Variants in UBR4 observed in about 807,000 individuals in gnomAD.
UBR4 encodes ubiquitin protein ligase E3 component n-recognin 4.
Under a neutral mutation model 575.6 loss-of-function variants are expected in UBR4, and 124 were observed. That is an observed-to-expected ratio of 0.22 (90% CI 0.19 to 0.25). The LOEUF (loss-of-function observed/expected upper bound fraction) is 0.25. Ranked by LOEUF, UBR4 falls within the 10% of genes least tolerant of loss-of-function variation. The pLI is 1.00. For missense variants in UBR4, 4,818 were observed against 6,478.8 expected, an observed-to-expected ratio of 0.74 and a Z score of 8.80; for synonymous variants, 2,455 against 2,473.7, an observed-to-expected ratio of 0.99 and a Z score of 0.22.
At position 19,193,488 on chromosome 1, in the gene UBR4, G is replaced by C; in HGVS notation, c.1088C>G (p.Thr363Arg). The part of the protein sequence containing the change: ...GSAQQVRTGS[T>R]SSKEDDYESD... ...TTCATAGTCATCTTCTTTGGAGCTCGTGGACCCTGTCCGCACTTGCTGGGC... is the reference window on the plus strand; with the variant it reads ...TTCATAGTCATCTTCTTTGGAGCTCCTGGACCCTGTCCGCACTTGCTGGGC... The change falls in exon 9 of 106, where the codon ACG becomes AGG. Residue 363 changes from threonine to arginine, a missense_variant. Thr to Arg is a moderately conservative substitution (Grantham distance 71). Transcript: ENST00000375254. The C allele has an allele frequency of 1.2e-6, 2 of 1,614,058 alleles. No homozygotes were observed. Among genetic ancestry groups the C allele is most frequent in the South Asian group, 1.1e-5 (1 of 91,078 alleles).
intron 90 of UBR4, 30 bp from the exon 91 acceptor site, chr1:19,097,310 TA>T (rs2078160814): frequency 1.9e-5 from 30 of 1,603,046 alleles, no homozygotes; most frequent in Non-Finnish European, 2.2e-5. Context: ...GAAAGGTACT[TA>T]AAAACAGGCC....
rs780826689 is a variant in UBR4, at chr1:19,145,873, A to G, written c.7865T>C (p.Ile2622Thr). 17 of 1,614,218 alleles carry G rather than the reference A, an allele frequency of 1.1e-5. No individual in the cohort carries two copies. The highest frequency in any genetic ancestry group is 1.4e-5 in the Non-Finnish European group (17 of 1,180,024). Reference sequence around the variant, plus strand: ...CCAGAAGTGGTTCACAAGCTGGGTGATGAAACTACAGCAATCTCCTTCCAA... The same window carrying G: ...CCAGAAGTGGTTCACAAGCTGGGTGGTGAAACTACAGCAATCTCCTTCCAA... ...KQLEGDCCSF[I>T]TQLVNHFWKL... Residue 2622 changes from isoleucine (I) to threonine (T), a missense_variant, in exon 53 of 106, where the codon ATC becomes ACC. By Grantham distance (89) the Ile-to-Thr change is moderately conservative (BLOSUM62 -1). Coordinates refer to ENST00000375254, the MANE Select transcript of UBR4 (RefSeq NM_020765.3).
In UBR4 at chr1:19,150,663, G is replaced by A. The variant is rs769679758; in HGVS notation, c.7344C>T (p.Ile2448=). ...EEFPSASVSN[I]CPSNLNQSNG... ...TGCTCTGGTTCAGATTTGAAGGGCA[G>A]ATGTTGCTGACAGAGGCAGAAGGGA... Residue 2448 remains isoleucine, a synonymous_variant, in exon 49 of 106, where the codon ATC becomes ATT. Coordinates refer to ENST00000375254, the MANE Select transcript of UBR4 (RefSeq NM_020765.3). 1.2e-6 allele frequency: 2 copies of A among 1,614,118 alleles called. No homozygotes were observed. Among genetic ancestry groups the A allele is most frequent in the Admixed American group, 1.7e-5 (1 of 60,026 alleles).
At chr1:19,125,014 GA>G (rs888465812) in intron 64 of UBR4, among the ~76,000 whole-genome samples, 5 of 145,344 alleles carry the variant, frequency 3.4e-5, no homozygotes, top group Admixed American at 2.7e-4. Context: ...AAAAAAATTG[GA>G]AAAAAAAAAG....
At chr1:19,154,884 T>C (rs189779103) in intron 44 of UBR4, 34 bp downstream of exon 44, 23 of 1,613,484 alleles carry the variant, frequency 1.4e-5, no homozygotes, top group East Asian at 2.2e-5. Context: ...AATGTGGACA[T>C]TGCGGAAGTT....
chr1:19,110,899 A>C lies in UBR4; in HGVS notation c.11802-67T>G, dbSNP rs1455330010. ...AGGTGTGACACTCCTTTCCACCTGA[A>C]GGGGCCCAGGGAAAATGAAATCAAT... On this transcript the variant is annotated intron_variant, in intron 78 of 105. Transcript: ENST00000375254. This position sits in a 1 kb window ranked among gnomAD's most constrained non-coding sequence, Gnocchi z 4.5. 2 of 1,471,474 alleles carry C rather than the reference A, an allele frequency of 1.4e-6. No individual in the cohort carries two copies. Among genetic ancestry groups the C allele is most frequent in the African/African-American group, 2.8e-5 (2 of 71,072 alleles). The allele number at this position is 1,471,474 out of a possible 1,614,324, so 91.2% of individuals were successfully genotyped here.
In UBR4 at chr1:19,167,247, T is replaced by G. The variant is rs764648525; in HGVS notation, c.3900-16A>C. The stretch of plus-strand genomic sequence containing the variant: ...ATCTGACCAACTTCAGCAAAGAAAA[T>G]GAAATCGAGTTAGTGAATACACTCC... On this transcript the variant is annotated splice_polypyrimidine_tract_variant and intron_variant, in intron 28 of 105. Coordinates refer to ENST00000375254, the MANE Select transcript of UBR4 (RefSeq NM_020765.3). 4 of 1,613,828 alleles carry G rather than the reference T, an allele frequency of 2.5e-6. No individual in the cohort carries two copies. The South Asian group carries it at 3.3e-5, about 13-fold the overall frequency.
intron 1 of UBR4, among the ~76,000 whole-genome samples, chr1:19,209,416 CAGAT>C (rs759229678): frequency 9.9e-5 from 15 of 152,202 alleles, no homozygotes; most frequent in African/African-American, 3.6e-4. Flanking sequence ...AGGAAACCAA[CAGAT>C]AGTACCGTTT....
intron 51 of UBR4, 108 bp downstream of exon 51, chr1:19,147,885 C>T: frequency 1.4e-6 from 2 of 1,481,426 alleles, no homozygotes; most frequent in Non-Finnish European, 1.8e-6. Flanking sequence ...AATCTGAATG[C>T]TATCCTCCCT....
chr1:19,105,818 C>T lies in UBR4; in HGVS notation c.12418G>A (p.Ala4140Thr). 1 of 1,606,062 alleles carries T rather than the reference C, an allele frequency of 6.2e-7. No individual in the cohort carries two copies. Among genetic ancestry groups the T allele is most frequent in the Non-Finnish European group, 8.5e-7 (1 of 1,177,544 alleles). Residue 4140 changes from alanine (A) to threonine (T), a missense_variant, in exon 84 of 106, where the codon GCC becomes ACC. Physicochemically the swap from Ala to Thr is moderately conservative, Grantham distance 58. Transcript: ENST00000375254. The stretch of plus-strand genomic sequence containing the variant: ...ATGGTACAGGCTGCCTGCCGTGCGG[C>T]CTGCGTTGCTGGAGTGAAAAGCACC... Reference protein sequence around the residue: ...RQVLFTPATQAARQAACTIVE... With the variant: ...RQVLFTPATQTARQAACTIVE...
intron 52 of UBR4, 44 bp from the exon 53 acceptor site, chr1:19,145,977 T>C (rs765876395): frequency 1.4e-5 from 22 of 1,612,710 alleles, no homozygotes; most frequent in African/African-American, 5.3e-5. Flanking sequence ...AAATCTGAGA[T>C]GGAATTTAAT....
intron 17 of UBR4, among the ~76,000 whole-genome samples, chr1:19,182,862 A>G (rs796133079): frequency 1.1e-4 from 16 of 152,362 alleles, no homozygotes; most frequent in African/African-American, 3.8e-4. Context: ...TAAAACTACA[A>G]GCAATTATTA....
intron 66 of UBR4, 38 bp downstream of exon 66, chr1:19,122,795 T>TC (rs2081320492): frequency 6.2e-7 from 1 of 1,611,898 alleles, no homozygotes. Flanking sequence ...CCTTATCACA[T>TC]CCCCCCTCCC....
chr1:19,119,844 C>A, intron 69 of UBR4, 143 bp from the exon 70 acceptor site: 1 of 1,145,266 alleles, frequency 8.7e-7, no homozygotes, highest in Non-Finnish European at 1.2e-6. Context: ...ACAATCAATC[C>A]TACCAGATGC....
At chr1:19,172,533 A>C (rs918413422) in intron 25 of UBR4, among the ~76,000 whole-genome samples, 2 of 152,198 alleles carry the variant, frequency 1.3e-5, no homozygotes, top group African/African-American at 2.4e-5. Flanking sequence ...AAATTTTTTT[A>C]ATAATAATAA....
At chr1:19,122,436 C>A (rs1389847910) in intron 66 of UBR4, among the ~76,000 whole-genome samples, 1 of 152,208 alleles carries the variant, frequency 6.6e-6, no homozygotes, top group Admixed American at 6.5e-5. Context: ...CCTCTAAGTC[C>A]AAACAGTTTC....
At chr1:19,175,871 G>A (rs571276272) in intron 20 of UBR4, among the ~76,000 whole-genome samples, 1 of 152,038 alleles carries the variant, frequency 6.6e-6, no homozygotes, top group Non-Finnish European at 1.5e-5. Context: ...ACAGCTCACT[G>A]CAACCTCAAC....
chr1:19,123,154 T>C (rs2081354440), intron 65 of UBR4, 94 bp from the exon 66 acceptor site: 2 of 1,393,444 alleles, frequency 1.4e-6, no homozygotes, highest in Non-Finnish European at 2.0e-6. Context: ...TAAACTGTTA[T>C]TAAAAGCTGG....
rs770557773 is a variant in UBR4, at chr1:19,076,907, G to A, written c.15325-5C>T. The A allele has an allele frequency of 4.3e-5, 67 of 1,545,718 alleles. No homozygotes were observed. The highest frequency in any genetic ancestry group is 5.5e-5 in the Non-Finnish European group (63 of 1,149,222). ...TGTGTTACTGGTAGGCACCTTCTAC[G>A]AGAATCAACAGGAGACAAGAGAGGT... On this transcript the variant is annotated splice_polypyrimidine_tract_variant and splice_region_variant and intron_variant, in intron 104 of 105. Transcript: ENST00000375254.
Sources: gnomAD v4.1 joint callset for allele counts (sites outside exome capture counted in the v4.1 genomes callset) on GRCh38, gnomAD v4.1.1 for gene constraint, Gnocchi (gnomAD v3.1) non-coding constraint, MANE v1.5 for transcripts, NCBI Gene and HGNC (gene_info 2026-07-23, HGNC 2026-07-21) for gene names.